The following ASIC2 variants were observed in gnomAD, a reference collection of about 807,000 sequenced individuals.
ASIC2 encodes acid sensing ion channel subunit 2.
In ASIC2, 25 loss-of-function variants were observed where a neutral mutation model predicts 57.3. That is an observed-to-expected ratio of 0.44 (90% CI 0.32 to 0.61). The LOEUF is 0.61. Ranked by LOEUF, ASIC2 falls within the 20% of genes least tolerant of loss-of-function variation. The pLI is 0.06. For missense variants in ASIC2, 641 were observed against 738.1 expected, an observed-to-expected ratio of 0.87 and a Z score of 1.52; for synonymous variants, 319 against 307.5, an observed-to-expected ratio of 1.04 and a Z score of -0.39.
At chr17:33,250,188 G>T (rs555166790) in intron 1 of ASIC2, among the ~76,000 whole-genome samples, 1 of 152,356 alleles carries the variant, frequency 6.6e-6, no homozygotes, top group South Asian at 2.1e-4. Flanking sequence ...AAGCTACCAG[G>T]CACATCATAG....
At position 33,426,400 on chromosome 17, in the gene ASIC2, C is replaced by T. The variant is rs551967692; in HGVS notation, c.556-314333G>A. On this transcript the variant is annotated intron_variant, in intron 1 of 9. Transcript: ENST00000359872. ...TCTATAAGAGCCCTCTGTACCAAAACGCAGGAGCCCAGTCATCCCTTTCTG... is the reference window on the plus strand; with the variant it reads ...TCTATAAGAGCCCTCTGTACCAAAATGCAGGAGCCCAGTCATCCCTTTCTG... Among the ~76,000 whole-genome samples, 8 of 152,348 alleles carry T rather than the reference C, an allele frequency of 5.3e-5. No individual in the cohort carries two copies. The South Asian group carries it at 6.2e-4, about 12-fold the overall frequency.
intron 2 of ASIC2, among the ~76,000 whole-genome samples, chr17:33,107,958 G>T (rs937690758): frequency 2.0e-5 from 3 of 152,140 alleles, no homozygotes; most frequent in Non-Finnish European, 4.4e-5. Context: ...CTTAGGTGTG[G>T]GATATTTGGA....
At chr17:34,118,816 G>A (rs189882492) in intron 1 of ASIC2, 1 of 152,386 alleles carries the variant, frequency 6.6e-6, no homozygotes, top group Admixed American at 6.5e-5. Flanking sequence ...CAGGGAACGG[G>A]TGCTCTAAGG....
chr17:33,818,973 G>A (rs1322257452), intron 1 of ASIC2, among the ~76,000 whole-genome samples: 1 of 152,204 alleles, frequency 6.6e-6, no homozygotes, highest in Admixed American at 6.5e-5. Context: ...CTTGCTTGGG[G>A]TCTACTGGGC....
At chr17:33,102,932 C>T (rs1020538093) in intron 2 of ASIC2, among the ~76,000 whole-genome samples, 7 of 152,188 alleles carry the variant, frequency 4.6e-5, no homozygotes, top group South Asian at 2.1e-4. Context: ...TACAGGCGCC[C>T]ACCACCACGC....
chr17:34,132,068 A>G (rs1254265139), intron 1 of ASIC2, among the ~76,000 whole-genome samples: 1 of 152,168 alleles, frequency 6.6e-6, no homozygotes, highest in East Asian at 1.9e-4. Context: ...GGAGGATCAT[A>G]ATGCCTCTGC....
At chr17:33,036,871 C>T (rs966653925) in intron 3 of ASIC2, among the ~76,000 whole-genome samples, 4 of 152,026 alleles carry the variant, frequency 2.6e-5, no homozygotes, top group East Asian at 3.9e-4. Context: ...ACCTTAGTTT[C>T]TCATCTGTAA....
intron 3 of ASIC2, among the ~76,000 whole-genome samples, chr17:33,030,119 C>G (rs1055215185): frequency 6.6e-6 from 1 of 152,100 alleles, no homozygotes; most frequent in Non-Finnish European, 1.5e-5. Context: ...TTTTTAAAAT[C>G]AACTTCAGAA....
intron 1 of ASIC2, among the ~76,000 whole-genome samples, chr17:34,087,754 T>C (rs1910165995): frequency 6.6e-6 from 1 of 152,024 alleles, no homozygotes; most frequent in South Asian, 2.1e-4. Flanking sequence ...TATTCTTGTT[T>C]CTCTAAACTT....
intron 1 of ASIC2, among the ~76,000 whole-genome samples, chr17:34,061,796 G>GT (rs1443583153): frequency 1.3e-5 from 2 of 152,124 alleles, no homozygotes; most frequent in Admixed American, 6.6e-5. Flanking sequence ...TTATATAATG[G>GT]TAAAAGGCCT....
rs184803374 is a variant in ASIC2, at chr17:33,246,319, G to T, written c.708+45089C>A. 4.6e-5 allele frequency among the ~76,000 whole-genome samples: 7 copies of T among 152,252 alleles called. No homozygotes were observed. In the East Asian group the frequency reaches 1.4e-3, roughly 29 times the overall value. ...TGGAGTTGCTGTTTGCAGAGAGGGC[G>T]CAGGCAGGGAGAGAAACAGAACACT... On this transcript the variant is annotated intron_variant, in intron 1 of 9. Transcript: ENST00000225823.
intron 1 of ASIC2, among the ~76,000 whole-genome samples, chr17:34,113,572 A>G (rs1266607417): frequency 6.6e-6 from 1 of 151,898 alleles, no homozygotes; most frequent in Non-Finnish European, 1.5e-5. Context: ...AAGGAAAAAA[A>G]AAAAAGGAAG....
chr17:33,967,298 C>A (rs747755389), intron 1 of ASIC2, among the ~76,000 whole-genome samples: 1 of 152,052 alleles, frequency 6.6e-6, no homozygotes, highest in Non-Finnish European at 1.5e-5. Context: ...TACAGTGGTA[C>A]AGTCTCAGCT....
chr17:33,529,290 CA>C (rs1048631622), intron 1 of ASIC2, among the ~76,000 whole-genome samples: 4 of 152,178 alleles, frequency 2.6e-5, no homozygotes, highest in Admixed American at 2.6e-4. Flanking sequence ...TCAGAATCTC[CA>C]GGGGGTAGGA....
intron 3 of ASIC2, among the ~76,000 whole-genome samples, chr17:33,088,383 C>A (rs2092143592): frequency 1.3e-5 from 2 of 152,102 alleles, no homozygotes; most frequent in South Asian, 4.1e-4. Context: ...CCCTCCCCAG[C>A]GCTATATCAA....
intron 1 of ASIC2, among the ~76,000 whole-genome samples, chr17:33,796,074 A>G (rs575351153): frequency 6.6e-6 from 1 of 152,338 alleles, no homozygotes; most frequent in East Asian, 1.9e-4. Context: ...TTTCCACTTA[A>G]TAGGCCAAGT....
At chr17:33,120,330 C>T (rs2092297059) in intron 1 of ASIC2, among the ~76,000 whole-genome samples, 1 of 152,150 alleles carries the variant, frequency 6.6e-6, no homozygotes, top group Non-Finnish European at 1.5e-5. Context: ...GAGCTTCAGA[C>T]CGTGCAGGAA....
At chr17:33,863,370 G>T (rs1914144683) in intron 1 of ASIC2, among the ~76,000 whole-genome samples, 1 of 152,248 alleles carries the variant, frequency 6.6e-6, no homozygotes, top group Admixed American at 6.5e-5. Flanking sequence ...AGAATGGGTT[G>T]CTTGTGGGTG....
intron 1 of ASIC2, among the ~76,000 whole-genome samples, chr17:34,023,352 CTT>C (rs1907253892): frequency 1.4e-5 from 2 of 141,686 alleles, no homozygotes; most frequent in African/African-American, 5.4e-5. Flanking sequence ...CTCTGTTTCT[CTT>C]TCTCTCTCTC....
Sources: allele counts gnomAD v4.1 joint callset (sites outside exome capture counted in the v4.1 genomes callset), GRCh38; gene constraint gnomAD v4.1.1; transcripts MANE v1.5; gene names NCBI Gene and HGNC (gene_info 2026-07-23, HGNC 2026-07-21).